Variants in FUZ observed in about 807,000 individuals in gnomAD.
FUZ encodes protein fuzzy homolog.
A neutral mutation model predicts 43.1 loss-of-function variants in FUZ; 31 were observed. The observed-to-expected ratio is 0.72, with a 90% CI of 0.54 to 0.97. The LOEUF is 0.97. Ranked by LOEUF, FUZ falls within the 50% of genes least tolerant of loss-of-function variation. FUZ has a pLI of 0.00. For missense variants in FUZ, 539 were observed against 543.8 expected (o/e 0.99, Z 0.09); for synonymous variants, 274 against 250.0 (o/e 1.10, Z -0.91).
intron 7 of FUZ, 48 bp from the exon 8 acceptor site, chr19:49,808,871 G>A (rs1041298814): frequency 4.2e-6 from 6 of 1,441,578 alleles, no homozygotes; most frequent in Non-Finnish European, 5.7e-6. Context: ...AGGCGGGGCC[G>A]GCGGGGGAGG....
At chr19:49,808,161 T>C in intron 10 of FUZ, 1 of 575,874 alleles carries the variant, frequency 1.7e-6, no homozygotes, top group South Asian at 1.9e-5. Context: ...GTAAAGGCAC[T>C]GGGAAGAGGT....
chr19:49,813,201 C>A lies in FUZ; in HGVS notation c.-95G>T. The A allele has an allele frequency of 9.0e-7, 1 of 1,106,984 alleles. No homozygotes were observed. Among genetic ancestry groups the A allele is most frequent in the South Asian group, 1.3e-5 (1 of 75,284 alleles). 68.6% of individuals were successfully genotyped at this position (1,106,984 alleles called of 1,614,324 possible). ...AGTAACTCGGCCTGTGGTCCGGAGC[C>A]GCCAGAGGGCGAGATGGGGAGCTGA... On this transcript the variant is annotated 5_prime_UTR_variant, in exon 1 of 11. Transcript: ENST00000313777.
At position 49,811,705 on chromosome 19, in the gene FUZ, A is replaced by C. The variant is rs1003815357; in HGVS notation, c.319-6T>G. 6.2e-7 allele frequency: 1 copy of C among 1,611,802 alleles called. No individual in the cohort carries two copies. Among genetic ancestry groups the C allele is most frequent in the Admixed American group, 1.7e-5 (1 of 60,020 alleles). On this transcript the variant is annotated splice_region_variant and splice_polypyrimidine_tract_variant and intron_variant, in intron 3 of 10. Coordinates refer to ENST00000313777, the MANE Select transcript of FUZ (RefSeq NM_025129.5). ...TCAAGTCCCACAAGAAGGACCTAGA[A>C]GAATCATATAGGAGAGGATGGGCGA...
chr19:49,808,498 G>A lies in FUZ; in HGVS notation c.959-10C>T, dbSNP rs1294691901. 2 of 1,609,980 alleles carry A rather than the reference G, an allele frequency of 1.2e-6. No individual in the cohort carries two copies. The highest frequency in any genetic ancestry group is 2.2e-5 in the East Asian group (1 of 44,758). On this transcript the variant is annotated splice_polypyrimidine_tract_variant and intron_variant, in intron 9 of 10. Coordinates refer to ENST00000313777, the MANE Select transcript of FUZ (RefSeq NM_025129.5). ...TGTTCTGGTGAAGGCTCTGCTGGGA[G>A]GAAAAGGCGGTGATGCAGAGCGCCT... is the stretch of plus-strand genomic sequence containing the variant.
Position 49,809,858 on chromosome 19 carries a change from G to A in FUZ, c.493-283C>T. 1.9e-6 allele frequency: 1 copy of A among 535,300 alleles called. No individual in the cohort carries two copies. Among genetic ancestry groups the A allele is most frequent in the Non-Finnish European group, 3.4e-6 (1 of 294,700 alleles). 33.2% of individuals were successfully genotyped at this position (535,300 alleles called of 1,614,324 possible). On this transcript the variant is annotated intron_variant, in intron 5 of 10. Transcript: ENST00000313777. The surrounding 1 kb of genome is among the most constrained non-coding windows in gnomAD (Gnocchi z 5.1). ...AACCGCAGCAGCTACCGTTCATCCA[G>A]GCCTGTTACATGCCGAGTAGGCACC...
chr19:49,811,369 G>C lies in FUZ; in HGVS notation c.486C>G (p.Leu162=). The C allele has an allele frequency of 1.2e-6, 2 of 1,605,186 alleles. No individual in the cohort carries two copies. The highest frequency in any genetic ancestry group is 1.7e-6 in the Non-Finnish European group (2 of 1,175,066). The change falls in exon 5 of 11, where the codon CTC becomes CTG. Residue 162 remains leucine, a synonymous_variant. Transcript: ENST00000313777. ...TCCATAGCATCCCCAGTACCTGCAA[G>C]AGGGACCCCTCTGGAGGAATCACGC... is the stretch of plus-strand genomic sequence containing the variant. ...VDCVIPPEGS[L]LQEALSGFAE...
At chr19:49,810,584 CA>C (rs1375156631) in intron 5 of FUZ, among the ~76,000 whole-genome samples, 1 of 148,134 alleles carries the variant, frequency 6.8e-6, no homozygotes, top group Non-Finnish European at 1.5e-5. Context: ...GAGGTTGAGG[CA>C]GGGGAATCGT....
At position 49,809,255 on chromosome 19, in the gene FUZ, G is replaced by C; in HGVS notation, c.694C>G (p.Pro232Ala). The C allele has an allele frequency of 6.4e-7, 1 of 1,550,882 alleles. No individual in the cohort carries two copies. Among genetic ancestry groups the C allele is most frequent in the Non-Finnish European group, 8.7e-7 (1 of 1,146,920 alleles). ...AGAGTCAGGGTCAGGAGCCGGTGTG[G>C]GACCTGAAGCAGGGCACAGGCTGGG... The part of the protein sequence containing the change: ...VYLPHGSPTV[P>A]HRLLTLTLLP... The change falls in exon 7 of 11, where the codon CCA becomes GCA. Residue 232 changes from proline (P) to alanine (A), a missense_variant. Physicochemically the swap from Pro to Ala is conservative, Grantham distance 27 (BLOSUM62 -1). Transcript: ENST00000313777. This position sits in a 1 kb window ranked among gnomAD's most constrained non-coding sequence, Gnocchi z 5.1.
Position 49,807,225 on chromosome 19 carries a change from ACAGCAG to A in FUZ, c.1177_1182del (p.Leu393_Leu394del). ...AGCCCATGGGTGGGACTCTGGGGAG[ACAGCAG>A]CAGCAGCAGCCGCCGAAGCCCCAGC... On this transcript the variant is annotated inframe_deletion, in exon 11 of 11. Coordinates refer to ENST00000313777, the MANE Select transcript of FUZ (RefSeq NM_025129.5). 1 of 1,610,274 alleles carries A rather than the reference ACAGCAG, an allele frequency of 6.2e-7. No individual in the cohort carries two copies.
chr19:49,811,610 C>T, intron 4 of FUZ, 21 bp downstream of exon 4: 2 of 1,613,086 alleles, frequency 1.2e-6, no homozygotes, highest in Admixed American at 1.7e-5. Context: ...AACTTCCCAC[C>T]CTCATGTCCT....
chr19:49,811,998 C>T (rs2073816834), intron 3 of FUZ, among the ~76,000 whole-genome samples: 1 of 152,212 alleles, frequency 6.6e-6, no homozygotes, highest in Non-Finnish European at 1.5e-5. Context: ...ATCCCAGCTA[C>T]TTGGGAAGCT....
Position 49,808,749 on chromosome 19 carries a change from G to A in FUZ, c.861C>T (p.Pro287=). Residue 287 remains proline (P), a synonymous_variant, in exon 8 of 11, where the codon CCC becomes CCT. Coordinates refer to ENST00000313777, the MANE Select transcript of FUZ (RefSeq NM_025129.5). ...ACLPLGPRAL[P]SGFPLHTDIL... ...TGTCTGTGTGAAGGGGGAAGCCACT[G>A]GGCAGCGCCCGGGGTCCCAACGGCA... 5 of 1,582,760 alleles carry A rather than the reference G, an allele frequency of 3.2e-6. No homozygotes were observed. Among genetic ancestry groups the A allele is most frequent in the Non-Finnish European group, 4.3e-6 (5 of 1,164,330 alleles).
Position 49,813,116 on chromosome 19 carries a change from C to A in FUZ, c.-10G>T, listed in dbSNP as rs751534804. The A allele has an allele frequency of 3.9e-6, 6 of 1,548,104 alleles. No homozygotes were observed. The South Asian group carries it at 7.1e-5, about 18-fold the overall frequency. ...TCCCCTCCTCCCCCATTTAGGACTC[C>A]CACCGCGGTCCCTCACGTGGGGACT... On this transcript the variant is annotated 5_prime_UTR_variant, in exon 1 of 11. Coordinates refer to ENST00000313777, the MANE Select transcript of FUZ (RefSeq NM_025129.5).
rs981328604 is a variant in FUZ, at chr19:49,812,876, C to T, written c.111+120G>A. 14 of 1,347,268 alleles carry T rather than the reference C, an allele frequency of 1.0e-5. No individual in the cohort carries two copies. In the African/African-American group the frequency reaches 2.0e-4, roughly 19 times the overall value. The allele number at this position is 1,347,268 out of a possible 1,614,324, so 83.5% of individuals were successfully genotyped here. ...CTTTGGGGAACCAGGCTTATTGGTCCATTGCCTCCTCGGTCCTACAAATTC... is the reference window on the plus strand; with the variant it reads ...CTTTGGGGAACCAGGCTTATTGGTCTATTGCCTCCTCGGTCCTACAAATTC... On this transcript the variant is annotated intron_variant, in intron 1 of 10. Coordinates refer to ENST00000313777, the MANE Select transcript of FUZ (RefSeq NM_025129.5).
At chr19:49,808,683 G>A in intron 8 of FUZ, 34 bp downstream of exon 8, 2 of 1,604,660 alleles carry the variant, frequency 1.2e-6, no homozygotes, top group Non-Finnish European at 1.7e-6. Context: ...AAGAGGACAT[G>A]ACCCCCGACC....
chr19:49,809,261 G>A lies in FUZ; in HGVS notation c.691-3C>T. ...AGGGTCAGGAGCCGGTGTGGGACCT[G>A]AAGCAGGGCACAGGCTGGGGCTCAT... On this transcript the variant is annotated splice_region_variant and splice_polypyrimidine_tract_variant and intron_variant, in intron 6 of 10. Coordinates refer to ENST00000313777, the MANE Select transcript of FUZ (RefSeq NM_025129.5). The surrounding 1 kb of genome is among the most constrained non-coding windows in gnomAD (Gnocchi z 5.1). The A allele has an allele frequency of 6.4e-7, 1 of 1,550,828 alleles. No homozygotes were observed. Among genetic ancestry groups the A allele is most frequent in the Non-Finnish European group, 8.7e-7 (1 of 1,146,896 alleles).
In FUZ at chr19:49,809,379, G is replaced by A. The variant is rs1158349792; in HGVS notation, c.689C>T (p.Thr230Met). 1.9e-6 allele frequency: 3 copies of A among 1,544,532 alleles called. No homozygotes were observed. The highest frequency in any genetic ancestry group is 2.0e-5 in the Admixed American group (1 of 50,992). Reference sequence around the variant, plus strand: ...CGTCGGTGCCCGCCACCCACTCACCGTGGGGCTCCCGTGCGGCAGGTACAC... The same window carrying A: ...CGTCGGTGCCCGCCACCCACTCACCATGGGGCTCCCGTGCGGCAGGTACAC... Reference protein sequence around the residue: ...YPVYLPHGSPTVPHRLLTLTL... With the variant: ...YPVYLPHGSPMVPHRLLTLTL... The change falls in exon 6 of 11, where the codon ACG becomes ATG. Residue 230 changes from threonine to methionine, a missense_variant and splice_region_variant. Coordinates refer to ENST00000313777, the MANE Select transcript of FUZ (RefSeq NM_025129.5). This position sits in a 1 kb window ranked among gnomAD's most constrained non-coding sequence, Gnocchi z 5.1.
At position 49,808,788 on chromosome 19, in the gene FUZ, C is replaced by A. The variant is rs771008942; in HGVS notation, c.822G>T (p.Pro274=). 2.6e-6 allele frequency: 4 copies of A among 1,558,816 alleles called. No homozygotes were observed. The highest frequency in any genetic ancestry group is 3.5e-6 in the Non-Finnish European group (4 of 1,151,694). Residue 274 remains proline, a synonymous_variant, in exon 8 of 11, where the codon CCG becomes CCT. Transcript: ENST00000313777. ...GTCCCAACGGCAGACAGGCCCGCAA[C>A]GGGTCCAGCAGTGGCTGCCACCAGC... ...LERWWQPLLD[P]LRACLPLGPR... is the part of the protein sequence containing the mutation.
In FUZ at chr19:49,813,256, C is replaced by T. The variant is rs1191101959; in HGVS notation, c.-150G>A. ...AAGAGGATTAACTTCCCGCCTTCTT[C>T]ACCCAACTCAAACAGACCCTCAAAC... On this transcript the variant is annotated 5_prime_UTR_variant, in exon 1 of 11. Coordinates refer to ENST00000313777, the MANE Select transcript of FUZ (RefSeq NM_025129.5). 2.6e-6 allele frequency: 2 copies of T among 757,568 alleles called. No homozygotes were observed. Among genetic ancestry groups the T allele is most frequent in the Admixed American group, 4.0e-5 (2 of 50,066 alleles). The allele number at this position is 757,568 out of a possible 1,614,324, so 46.9% of individuals were successfully genotyped here. A position where few individuals can be genotyped will look rare whatever the true frequency, so the allele number is the denominator to read the frequency against.
Sources: gnomAD v4.1 joint callset for allele counts (sites outside exome capture counted in the v4.1 genomes callset) on GRCh38, gnomAD v4.1.1 for gene constraint, Gnocchi (gnomAD v3.1) non-coding constraint, MANE v1.5 for transcripts, NCBI Gene and HGNC (gene_info 2026-07-23, HGNC 2026-07-21) for gene names.